Variants in PIK3AP1 observed in about 807,000 individuals in gnomAD.
PIK3AP1 encodes the protein phosphoinositide-3-kinase adaptor protein 1.
PIK3AP1 carries 21 observed loss-of-function variants against 88.1 expected under a neutral mutation model. The observed-to-expected ratio is 0.24, with a 90% CI of 0.17 to 0.34. PIK3AP1 has a LOEUF of 0.34. Ranked by LOEUF, PIK3AP1 falls within the 10% of genes least tolerant of loss-of-function variation. The pLI is 1.00. For missense variants in PIK3AP1, 828 were observed against 1,035.7 expected (o/e 0.80, Z 2.75); for synonymous variants, 398 against 400.0 (o/e 1.00, Z 0.06).
At position 96,700,064 on chromosome 10, in the gene PIK3AP1, A is replaced by G. The variant is rs554338324; in HGVS notation, c.430+9503T>C. 2.0e-5 allele frequency among the ~76,000 whole-genome samples: 3 copies of G among 152,322 alleles called. No individual in the cohort carries two copies. The East Asian group carries it at 5.8e-4, about 29-fold the overall frequency. ...TTCTGGCATACATTAGAAAATTCAG[A>G]CAGAGACAGGTGCAAACTTGAAATT... is the stretch of plus-strand genomic sequence containing the variant. On this transcript the variant is annotated intron_variant, in intron 2 of 16. Coordinates refer to ENST00000339364, the MANE Select transcript of PIK3AP1 (RefSeq NM_152309.3).
chr10:96,628,386 G>C lies in PIK3AP1; in HGVS notation c.1471+12C>G. The C allele has an allele frequency of 6.3e-7, 1 of 1,578,218 alleles. No individual in the cohort carries two copies. Among genetic ancestry groups the C allele is most frequent in the Non-Finnish European group, 8.7e-7 (1 of 1,147,386 alleles). On this transcript the variant is annotated intron_variant, in intron 9 of 16. Coordinates refer to ENST00000339364, the MANE Select transcript of PIK3AP1 (RefSeq NM_152309.3). The stretch of plus-strand genomic sequence containing the variant: ...TGCTCTTTTGGCTTCCCTGCTCATG[G>C]CTATGACTTACCTTCTAAAAACTTG...
At chr10:96,657,945 C>T (rs1242581124) in intron 2 of PIK3AP1, among the ~76,000 whole-genome samples, 1 of 151,844 alleles carries the variant, frequency 6.6e-6, no homozygotes, top group African/African-American at 2.4e-5. Context: ...TGCATGTAAT[C>T]CCAGCTACTT....
Position 96,664,500 on chromosome 10 carries a change from A to AT in PIK3AP1, c.431-7567dup, listed in dbSNP as rs573983644. Among the ~76,000 whole-genome samples the AT allele has an allele frequency of 2.8e-3, 431 of 151,880 alleles. 2 individuals carry two copies. Among genetic ancestry groups the AT allele is most frequent in the Non-Finnish European group, 5.1e-3 (349 of 68,016 alleles). On this transcript the variant is annotated intron_variant, in intron 2 of 16. Coordinates refer to ENST00000339364, the MANE Select transcript of PIK3AP1 (RefSeq NM_152309.3). ...TAGCAACTGAATCTATTAGCTAATC[A>AT]TTTTTTAAAAATAGGCACAAAACCA...
intron 1 of PIK3AP1, among the ~76,000 whole-genome samples, chr10:96,717,607 G>C (rs1250942548): frequency 6.6e-6 from 1 of 152,202 alleles, no homozygotes; most frequent in African/African-American, 2.4e-5. Flanking sequence ...GGTCCTGTAA[G>C]TCCAGGAATA....
At chr10:96,612,149 G>A (rs1376709950) in intron 13 of PIK3AP1, among the ~76,000 whole-genome samples, 3 of 152,190 alleles carry the variant, frequency 2.0e-5, no homozygotes, top group Non-Finnish European at 4.4e-5. Flanking sequence ...CAGTGACAAA[G>A]CAGGAATCAG....
chr10:96,597,560 A>T (rs1480244868), intron 16 of PIK3AP1, among the ~76,000 whole-genome samples: 1 of 152,084 alleles, frequency 6.6e-6, no homozygotes, highest in Non-Finnish European at 1.5e-5. Flanking sequence ...GGAGGTTCAG[A>T]ACCTATAGGA....
chr10:96,634,750 C>T (rs1843291032), intron 8 of PIK3AP1, among the ~76,000 whole-genome samples: 1 of 152,152 alleles, frequency 6.6e-6, no homozygotes, highest in Non-Finnish European at 1.5e-5. Flanking sequence ...TGACAAATTA[C>T]CATTTAAAAC....
intron 2 of PIK3AP1, among the ~76,000 whole-genome samples, chr10:96,681,025 G>A (rs370039663): frequency 3.9e-5 from 6 of 152,192 alleles, no homozygotes; most frequent in African/African-American, 1.4e-4. Flanking sequence ...ACCATAGACT[G>A]TGTGGCTTAA....
chr10:96,707,230 A>G lies in PIK3AP1; in HGVS notation c.430+2337T>C, dbSNP rs373913335. ...ATCCAGGTATTGAATCACTGGACAC[A>G]TCCAAACAATATTAAAATAATCCTT... On this transcript the variant is annotated intron_variant, in intron 2 of 16. Coordinates refer to ENST00000339364, the MANE Select transcript of PIK3AP1 (RefSeq NM_152309.3). Among the ~76,000 whole-genome samples the G allele has an allele frequency of 3.3e-5, 5 of 152,340 alleles. No homozygotes were observed. The South Asian group carries it at 1.0e-3, about 32-fold the overall frequency.
chr10:96,605,953 G>A (rs528003646), intron 14 of PIK3AP1, among the ~76,000 whole-genome samples: 17 of 152,194 alleles, frequency 1.1e-4, no homozygotes, highest in African/African-American at 1.2e-4. Flanking sequence ...GCGTGGTCGC[G>A]GGTGCCTGTA....
At chr10:96,703,781 C>T (rs866101205) in intron 2 of PIK3AP1, among the ~76,000 whole-genome samples, 73 of 152,248 alleles carry the variant, frequency 4.8e-4, no homozygotes, top group African/African-American at 1.6e-3. Flanking sequence ...AAAAGGTTCT[C>T]GGGAATTTGC....
chr10:96,632,930 G>A (rs989867112), intron 8 of PIK3AP1: 3 of 1,612,794 alleles, frequency 1.9e-6, no homozygotes, highest in Non-Finnish European at 2.5e-6. Context: ...CACTCACAAA[G>A]ATAAAGGACA....
Position 96,620,463 on chromosome 10 carries a change from G to C in PIK3AP1, c.1830C>G (p.Thr610=). 1.2e-6 allele frequency: 2 copies of C among 1,614,146 alleles called. No homozygotes were observed. The highest frequency in any genetic ancestry group is 1.7e-6 in the Non-Finnish European group (2 of 1,180,022). The change falls in exon 12 of 17, where the codon ACC becomes ACG. Residue 610 remains threonine, a synonymous_variant. Coordinates refer to ENST00000339364, the MANE Select transcript of PIK3AP1 (RefSeq NM_152309.3). The part of the protein sequence containing the change: ...MKTPGQRQLI[T]LQEQVKLGIV... ...TGCCCAGCTTCACCTGCTCCTGGAG[G>C]GTGATAAGCTGCCGCTGGCCTGGCG...
At chr10:96,642,332 A>G (rs900086390) in intron 8 of PIK3AP1, among the ~76,000 whole-genome samples, 1 of 149,540 alleles carries the variant, frequency 6.7e-6, no homozygotes, top group African/African-American at 2.5e-5. Flanking sequence ...AGGCTTAGGT[A>G]GGAGGATGGC....
chr10:96,638,538 G>T (rs892957932), intron 8 of PIK3AP1, among the ~76,000 whole-genome samples: 1 of 152,038 alleles, frequency 6.6e-6, no homozygotes, highest in African/African-American at 2.4e-5. Context: ...AGTGATGGCT[G>T]GCATTGGCAA....
At chr10:96,671,598 G>A (rs1028754194) in intron 2 of PIK3AP1, among the ~76,000 whole-genome samples, 3 of 152,154 alleles carry the variant, frequency 2.0e-5, no homozygotes, top group Non-Finnish European at 2.9e-5. Context: ...AGGGGAGGGA[G>A]GAGGTGACAA....
intron 2 of PIK3AP1, among the ~76,000 whole-genome samples, chr10:96,676,874 C>A (rs568685011): frequency 6.6e-6 from 1 of 152,224 alleles, no homozygotes; most frequent in South Asian, 2.1e-4. Flanking sequence ...CTGCCGGTGT[C>A]AACCTGAGAT....
At chr10:96,676,200 C>T (rs187630801) in intron 2 of PIK3AP1, among the ~76,000 whole-genome samples, 1 of 152,064 alleles carries the variant, frequency 6.6e-6, no homozygotes, top group South Asian at 2.1e-4. Context: ...ACTTTCACCC[C>T]AAGAACAGGA....
At chr10:96,670,552 C>T (rs919263051) in intron 2 of PIK3AP1, among the ~76,000 whole-genome samples, 1 of 152,124 alleles carries the variant, frequency 6.6e-6, no homozygotes, top group East Asian at 1.9e-4. Flanking sequence ...AAGGCATGAG[C>T]GCAAATGATG....
Sources: gnomAD v4.1 joint callset for allele counts (sites outside exome capture counted in the v4.1 genomes callset) on GRCh38, gnomAD v4.1.1 for gene constraint, MANE v1.5 for transcripts, NCBI Gene and HGNC (gene_info 2026-07-23, HGNC 2026-07-21) for gene names.